Variants in EML6 observed in about 807,000 individuals in gnomAD.
The protein encoded by EML6 is EMAP like 6.
Under a neutral mutation model 240.1 loss-of-function variants are expected in EML6, and 154 were observed. The ratio of observed to expected loss-of-function variants is 0.64; its 90% CI spans 0.56 to 0.73. The LOEUF is 0.73. Among genes scored for constraint, EML6 ranks in the 30% least tolerant of loss-of-function variants. The probability of loss-of-function intolerance (pLI) is 0.00; values close to 1 mark genes in which losing one functional copy is unlikely to be tolerated. For missense variants in EML6, 2,964 were observed against 2,474.6 expected (o/e 1.20, Z -4.20); for synonymous variants, 1,148 against 899.0 (o/e 1.28, Z -4.95).
intron 32 of EML6, among the ~76,000 whole-genome samples, chr2:54,956,636 C>G (rs909802683): frequency 6.6e-6 from 1 of 151,768 alleles, no homozygotes; most frequent in African/African-American, 2.4e-5. Context: ...CTGTGGGTCC[C>G]CCTAGCCTCG....
chr2:54,787,633 A>G (rs1043104474), intron 2 of EML6, among the ~76,000 whole-genome samples: 14 of 152,228 alleles, frequency 9.2e-5, no homozygotes, highest in African/African-American at 3.4e-4. Context: ...ATAAATGCTT[A>G]TGGAACTGAA....
rs141847095 is a variant in EML6, at chr2:54,907,238, C to T, written c.3410-3716C>T. Among the ~76,000 whole-genome samples the T allele has an allele frequency of 5.5e-4, 84 of 152,270 alleles. 2 individuals are homozygous for T. The South Asian group carries it at 8.3e-3, about 15-fold the overall frequency. ...AAATTAACAATTTGAAGGCTGGGTG[C>T]GGTGGCTCACACCTGTATTCTCAGC... On this transcript the variant is annotated intron_variant, in intron 24 of 41. Coordinates refer to ENST00000356458, the MANE Select transcript of EML6 (RefSeq NM_001039753.4).
chr2:54,773,057 G>C (rs556782067), intron 2 of EML6, among the ~76,000 whole-genome samples: 1 of 152,344 alleles, frequency 6.6e-6, no homozygotes, highest in Admixed American at 6.5e-5. Context: ...ATGAGTCCCA[G>C]TTGCTAAAGA....
chr2:54,956,111 A>G (rs1364276801), intron 32 of EML6, among the ~76,000 whole-genome samples: 2 of 152,176 alleles, frequency 1.3e-5, no homozygotes, highest in Non-Finnish European at 2.9e-5. Flanking sequence ...GTATATGTGT[A>G]ATTTGCTCTG....
chr2:54,910,443 GGGT>G (rs1203406710), intron 24 of EML6, among the ~76,000 whole-genome samples: 16 of 152,320 alleles, frequency 1.1e-4, no homozygotes, highest in African/African-American at 3.6e-4. Context: ...TAAGACCAGA[GGGT>G]GGGGAAGGAA....
At chr2:54,784,644 A>T (rs1572892570) in intron 2 of EML6, among the ~76,000 whole-genome samples, 2 of 152,310 alleles carry the variant, frequency 1.3e-5, no homozygotes, top group African/African-American at 4.8e-5. Context: ...AATAACAGAA[A>T]CAGTCCATTA....
At chr2:54,916,174 G>T (rs1444282186) in intron 25 of EML6, among the ~76,000 whole-genome samples, 1 of 152,214 alleles carries the variant, frequency 6.6e-6, no homozygotes. Flanking sequence ...CTCCAAGGAA[G>T]CAGTCATGTT....
intron 2 of EML6, among the ~76,000 whole-genome samples, chr2:54,738,219 A>G (rs372316484): frequency 2.7e-3 from 411 of 152,138 alleles, no homozygotes; most frequent in Middle Eastern, 0.014. Context: ...CTCATAATGG[A>G]GCCTGGCATG....
chr2:54,843,566 T>TG (rs1179637234), intron 7 of EML6, among the ~76,000 whole-genome samples: 21 of 151,896 alleles, frequency 1.4e-4, no homozygotes, highest in African/African-American at 5.1e-4. Context: ...CAGAATGGGC[T>TG]GGGCGTGGTG....
At chr2:54,797,785 C>G (rs1454225811) in intron 2 of EML6, among the ~76,000 whole-genome samples, 1 of 152,162 alleles carries the variant, frequency 6.6e-6, no homozygotes, top group African/African-American at 2.4e-5. Context: ...GTCTCTACCA[C>G]TTATCAGCCA....
chr2:54,872,722 C>A (rs1315021932), intron 16 of EML6, among the ~76,000 whole-genome samples: 1 of 152,224 alleles, frequency 6.6e-6, no homozygotes, highest in East Asian at 1.9e-4. Context: ...GTGGAGGCTA[C>A]ATGCACTCTT....
intron 2 of EML6, among the ~76,000 whole-genome samples, chr2:54,729,471 G>A (rs1683060542): frequency 1.3e-5 from 2 of 152,238 alleles, no homozygotes; most frequent in Admixed American, 1.3e-4. Flanking sequence ...AGAACTAAAT[G>A]TGTATATCGA....
intron 21 of EML6, among the ~76,000 whole-genome samples, chr2:54,899,117 C>G (rs1456760165): frequency 6.6e-6 from 1 of 152,206 alleles, no homozygotes; most frequent in African/African-American, 2.4e-5. Context: ...TTTACTTCTG[C>G]TCTGCCGAAT....
At chr2:54,968,838 C>A in intron 41 of EML6, 70 bp downstream of exon 41, 1 of 838,894 alleles carries the variant, frequency 1.2e-6, no homozygotes, top group Non-Finnish European at 2.0e-6. Flanking sequence ...CTCAGGCATC[C>A]CGTGGGTCAG....
At chr2:54,882,267 T>G (rs1440485255) in intron 17 of EML6, 2 of 138,134 alleles carry the variant, frequency 1.4e-5, no homozygotes, top group Non-Finnish European at 3.1e-5. Context: ...AAATGAATTT[T>G]TTAGTCTTTT....
chr2:54,923,443 G>T (rs1674372625), intron 26 of EML6, among the ~76,000 whole-genome samples: 1 of 149,300 alleles, frequency 6.7e-6, no homozygotes. Context: ...TAATTACCTT[G>T]ATTGTAGTAA....
At chr2:54,835,081 A>T (rs1425278577) in intron 7 of EML6, among the ~76,000 whole-genome samples, 1 of 152,106 alleles carries the variant, frequency 6.6e-6, no homozygotes, top group African/African-American at 2.4e-5. Flanking sequence ...TCTTGCCTAG[A>T]ATCTGCATGA....
At chr2:54,893,650 G>A (rs1174355039) in intron 19 of EML6, among the ~76,000 whole-genome samples, 2 of 152,162 alleles carry the variant, frequency 1.3e-5, no homozygotes, top group Non-Finnish European at 2.9e-5. Context: ...CTTCTTTTCA[G>A]TTATTTCCAG....
At chr2:54,944,557 C>T (rs774935072) in intron 28 of EML6, among the ~76,000 whole-genome samples, 53 of 152,244 alleles carry the variant, frequency 3.5e-4, no homozygotes, top group Middle Eastern at 6.8e-3. Flanking sequence ...TTTACGCCAC[C>T]CTTTGTACTC....
Sources: allele counts gnomAD v4.1 joint callset (sites outside exome capture counted in the v4.1 genomes callset), GRCh38; gene constraint gnomAD v4.1.1; transcripts MANE v1.5; gene names NCBI Gene and HGNC (gene_info 2026-07-23, HGNC 2026-07-21).